TENM3: variants seen among roughly 807,000 people sequenced by gnomAD.
The protein encoded by TENM3 is teneurin transmembrane protein 3.
Under a neutral mutation model 255.1 loss-of-function variants are expected in TENM3, and 63 were observed. The ratio of observed to expected loss-of-function variants is 0.25; its 90% CI spans 0.20 to 0.30. The LOEUF (loss-of-function observed/expected upper bound fraction) is 0.30. TENM3 is among the 10% of genes least tolerant of loss of function. The pLI is 1.00. For missense variants in TENM3, 2,929 were observed against 3,461.1 expected (o/e 0.85, Z 3.86); for synonymous variants, 1,306 against 1,322.3 (o/e 0.99, Z 0.27).
intron 3 of TENM3, among the ~76,000 whole-genome samples, chr4:182,379,997 A>G: frequency 6.6e-6 from 1 of 152,092 alleles, no homozygotes; most frequent in East Asian, 1.9e-4. Context: ...GGATGGGCGC[A>G]GTGGCTCACC....
At chr4:182,535,274 C>T (rs577311460) in intron 3 of TENM3, among the ~76,000 whole-genome samples, 3 of 152,296 alleles carry the variant, frequency 2.0e-5, no homozygotes, top group South Asian at 2.1e-4. Flanking sequence ...CTGACCCTCA[C>T]GTACATATTT....
chr4:181,659,280 C>T, the TENM3 span, among the ~76,000 whole-genome samples: 2 of 152,084 alleles, frequency 1.3e-5, no homozygotes, highest in East Asian at 3.9e-4. Context: ...AGAATTTTAC[C>T]TAGGGTGGGC....
the TENM3 span, among the ~76,000 whole-genome samples, chr4:181,766,167 TC>T: frequency 7.2e-5 from 11 of 152,242 alleles, no homozygotes; most frequent in East Asian, 1.9e-3. Context: ...AACTTCCTCA[TC>T]ACGAAGTACT....
chr4:181,946,798 T>A, the TENM3 span, among the ~76,000 whole-genome samples: 2 of 152,152 alleles, frequency 1.3e-5, no homozygotes, highest in African/African-American at 4.8e-5. Context: ...CTGAGCAAAC[T>A]CAGAAGGCAG....
At chr4:182,708,606 T>G (rs1378918369) in intron 12 of TENM3, among the ~76,000 whole-genome samples, 2 of 152,114 alleles carry the variant, frequency 1.3e-5, no homozygotes, top group Non-Finnish European at 1.5e-5. Context: ...GAGACCATCC[T>G]GGCTAACACG....
the TENM3 span, among the ~76,000 whole-genome samples, chr4:181,671,561 C>T: frequency 6.6e-6 from 1 of 152,140 alleles, no homozygotes; most frequent in Non-Finnish European, 1.5e-5. Context: ...GAGTCAGTAG[C>T]AGAATGAAAT....
chr4:182,486,206 A>G (rs1402475685), intron 3 of TENM3, among the ~76,000 whole-genome samples: 1 of 152,058 alleles, frequency 6.6e-6, no homozygotes, highest in African/African-American at 2.4e-5. Flanking sequence ...AAGATTTTTA[A>G]GCATCCAGGC....
the TENM3 span, among the ~76,000 whole-genome samples, chr4:181,917,643 C>G: frequency 1.3e-5 from 2 of 150,536 alleles, no homozygotes; most frequent in African/African-American, 4.9e-5. Context: ...CATAGTTCCT[C>G]AGACTTCTTT....
At chr4:182,436,746 G>T (rs937255105) in intron 3 of TENM3, among the ~76,000 whole-genome samples, 1 of 152,124 alleles carries the variant, frequency 6.6e-6, no homozygotes, top group African/African-American at 2.4e-5. Flanking sequence ...GGCCAGGCAT[G>T]GTGGCTCACA....
intron 5 of TENM3, among the ~76,000 whole-genome samples, chr4:182,630,480 G>A (rs1751257598): frequency 6.6e-6 from 1 of 152,114 alleles, no homozygotes; most frequent in African/African-American, 2.4e-5. Context: ...TTAAGAATAT[G>A]TATTTGAACT....
In TENM3 at chr4:182,793,655, C is replaced by G; in HGVS notation, c.6983C>G (p.Ser2328Cys). ...GCATATGGGGAAATCTATTTTGACT[C>G]TAATATTGACTTTCAACTGGTAATT... ...YTAYGEIYFD[S>C]NIDFQLVIGF... Residue 2328 changes from serine (S) to cysteine (C), a missense_variant, in exon 26 of 28, where the codon TCT (serine) becomes TGT (cysteine). Around this residue, in one of 6 missense-constraint regions of TENM3, gnomAD observed 256 missense variants for 389.3 expected, o/e 0.66. Transcript: ENST00000511685. The surrounding 1 kb of genome is among the most constrained non-coding windows in gnomAD (Gnocchi z 5.7). The G allele has an allele frequency of 1.2e-6, 2 of 1,613,954 alleles. No homozygotes were observed. Among genetic ancestry groups the G allele is most frequent in the Non-Finnish European group, 1.7e-6 (2 of 1,179,848 alleles).
At chr4:182,377,336 C>T (rs6849492) in intron 3 of TENM3, among the ~76,000 whole-genome samples, 4,968 of 152,126 alleles carry the variant, frequency 0.033, 143 homozygotes, top group African/African-American at 0.062. Flanking sequence ...TATTTTGAGA[C>T]AGAGTCTTGC....
At chr4:182,212,674 G>A (rs1349483513) in intron 1 of TENM3, among the ~76,000 whole-genome samples, 2 of 152,156 alleles carry the variant, frequency 1.3e-5, no homozygotes, top group Non-Finnish European at 2.9e-5. Flanking sequence ...TTAAAGCTGC[G>A]GCTTCCTAAT....
At chr4:181,968,217 T>A in the TENM3 span, among the ~76,000 whole-genome samples, 267 of 152,260 alleles carry the variant, frequency 1.8e-3, 1 homozygote, top group Non-Finnish European at 3.8e-4. Context: ...TCAGGAGACC[T>A]CTCCTGAACT....
At chr4:182,604,494 C>T (rs549652639) in intron 4 of TENM3, among the ~76,000 whole-genome samples, 2 of 152,258 alleles carry the variant, frequency 1.3e-5, no homozygotes, top group African/African-American at 4.8e-5. Flanking sequence ...ACTTCAGCTG[C>T]TTCAGTATGT....
chr4:182,102,393 T>C, the TENM3 span, among the ~76,000 whole-genome samples: 1 of 152,222 alleles, frequency 6.6e-6, no homozygotes, highest in Non-Finnish European at 1.5e-5. Context: ...GTTGATTTGC[T>C]AGACTTGTTC....
At chr4:182,185,035 A>G (rs1753063595) in intron 1 of TENM3, among the ~76,000 whole-genome samples, 3 of 151,984 alleles carry the variant, frequency 2.0e-5, no homozygotes, top group Admixed American at 6.6e-5. Flanking sequence ...GTGAGCCGAG[A>G]CTGCGCTACT....
chr4:181,578,137 G>A, the TENM3 span, among the ~76,000 whole-genome samples: 1 of 152,336 alleles, frequency 6.6e-6, no homozygotes, highest in East Asian at 1.9e-4. Flanking sequence ...CTGGGAAGGT[G>A]AGCAGGGAAC....
chr4:181,885,081 A>C, the TENM3 span, among the ~76,000 whole-genome samples: 1 of 152,170 alleles, frequency 6.6e-6, no homozygotes, highest in African/African-American at 2.4e-5. Context: ...TATAACTATC[A>C]AATATTTTCA....
Sources: gnomAD v4.1 joint callset for allele counts (sites outside exome capture counted in the v4.1 genomes callset) on GRCh38, gnomAD v4.1.1 for gene constraint, gnomAD v4.1.1 regional missense constraint, Gnocchi (gnomAD v3.1) non-coding constraint, MANE v1.5 for transcripts, NCBI Gene and HGNC (gene_info 2026-07-23, HGNC 2026-07-21) for gene names.